The following PRKCSH variants were observed in gnomAD, a reference collection of about 807,000 sequenced individuals.
PRKCSH encodes PRKCSH beta subunit of glucosidase II.
In PRKCSH, 42 loss-of-function variants were observed where a neutral mutation model predicts 79.7. That is an observed-to-expected ratio of 0.53 (90% CI 0.41 to 0.68). The LOEUF (loss-of-function observed/expected upper bound fraction) is 0.68, where lower values mean the gene tolerates loss of function less well. Among genes scored for constraint, PRKCSH ranks in the 30% least tolerant of loss-of-function variants. The pLI is 0.00. For synonymous variants in PRKCSH, 325 were observed against 288.2 expected (o/e 1.13, Z -1.29); for missense variants, 686 against 709.0 (o/e 0.97, Z 0.37).
chr19:11,441,527 GTATAA>G (rs1970061798), intron 6 of PRKCSH, among the ~76,000 whole-genome samples, 170 bp downstream of exon 6: 1 of 152,218 alleles, frequency 6.6e-6, no homozygotes, highest in African/African-American at 2.4e-5. Flanking sequence ...CATTGGCTAA[GTATAA>G]TAGTTCCCGA....
At chr19:11,436,341 TGGA>T (rs766443168) in intron 2 of PRKCSH, 45 bp from the exon 3 acceptor site, 2 of 1,591,222 alleles carry the variant, frequency 1.3e-6, no homozygotes, top group East Asian at 2.2e-5. Context: ...TGGTATTTGG[TGGA>T]GAAGGCGCTT....
In PRKCSH at chr19:11,448,917, C is replaced by G. The variant is rs121918520; in HGVS notation, c.1290C>G (p.Tyr430Ter). ...SQCYELTTNEYVYRLCPFKLV... is the reference protein window; with the variant it reads ...SQCYELTTNE ...CATATGTCCCGGTCCTCCACAGATA[C>G]GTCTACCGCCTCTGCCCCTTCAAGC... Residue 430 changes from tyrosine to a stop codon, truncating the protein, a stop_gained, in exon 15 of 18, where the codon TAC (tyrosine) becomes TAG (stop). Coordinates refer to ENST00000677123, the MANE Select transcript of PRKCSH (RefSeq NM_001289104.2). LOFTEE classifies it high-confidence loss of function. The surrounding 1 kb of genome is among the most constrained non-coding windows in gnomAD (Gnocchi z 4.4). 3.1e-6 allele frequency: 5 copies of G among 1,614,130 alleles called. No homozygotes were observed. Among genetic ancestry groups the G allele is most frequent in the Admixed American group, 3.3e-5 (2 of 60,026 alleles).
Position 11,448,928 on chromosome 19 carries a change from T to G in PRKCSH, c.1301T>G (p.Leu434Arg). 6.2e-7 allele frequency: 1 copy of G among 1,614,130 alleles called. No individual in the cohort carries two copies. The highest frequency in any genetic ancestry group is 8.5e-7 in the Non-Finnish European group (1 of 1,180,018). The change falls in exon 15 of 18, where the codon CTC (leucine) becomes CGC (arginine). Residue 434 changes from leucine (L) to arginine (R), a missense_variant. By Grantham distance (102) the Leu-to-Arg change is moderately radical. Around this residue, in one of 2 missense-constraint regions of PRKCSH, gnomAD observed 137 missense variants for 188.8 expected, o/e 0.73. Coordinates refer to ENST00000677123, the MANE Select transcript of PRKCSH (RefSeq NM_001289104.2). This position sits in a 1 kb window ranked among gnomAD's most constrained non-coding sequence, Gnocchi z 4.4. Reference protein sequence around the residue: ...ELTTNEYVYRLCPFKLVSQKP... With the variant: ...ELTTNEYVYRRCPFKLVSQKP... The stretch of plus-strand genomic sequence containing the variant: ...GTCCTCCACAGATACGTCTACCGCC[T>G]CTGCCCCTTCAAGCTTGTCTCGCAG...
In PRKCSH at chr19:11,449,280, C is replaced by T. The variant is rs770480368; in HGVS notation, c.1476C>T (p.Cys492=). The T allele has an allele frequency of 2.9e-5, 47 of 1,613,586 alleles. No homozygotes were observed. Among genetic ancestry groups the T allele is most frequent in the African/African-American group, 1.1e-4 (8 of 74,918 alleles). The change falls in exon 17 of 18, where the codon TGC becomes TGT. Residue 492 remains cysteine, a synonymous_variant. Coordinates refer to ENST00000677123, the MANE Select transcript of PRKCSH (RefSeq NM_001289104.2). The surrounding 1 kb of genome is among the most constrained non-coding windows in gnomAD (Gnocchi z 6.4). The part of the protein sequence containing the change: ...PNRSTTVRLL[C]GKETMVTSTT... ...CCCATCCCCAGGTGCGCCTCCTGTG[C>T]GGGAAAGAGACCATGGTGACCAGCA... is the stretch of plus-strand genomic sequence containing the variant.
chr19:11,435,781 T>G, intron 1 of PRKCSH, 75 bp downstream of exon 1: 1 of 1,401,762 alleles, frequency 7.1e-7, no homozygotes, highest in Non-Finnish European at 9.4e-7. Context: ...TGTGTGGGTG[T>G]GGACGGCGGA....
At position 11,447,695 on chromosome 19, in the gene PRKCSH, G is replaced by A. The variant is rs768066432; in HGVS notation, c.1032G>A (p.Glu344=). Residue 344 remains glutamate (E), a splice_region_variant and synonymous_variant, in exon 12 of 18, where the codon GAG becomes GAA. Coordinates refer to ENST00000677123, the MANE Select transcript of PRKCSH (RefSeq NM_001289104.2). This position sits in a 1 kb window ranked among gnomAD's most constrained non-coding sequence, Gnocchi z 5.6. ...DSEVQGEQPK[E]APPPLSPPQP... is the part of the protein sequence containing the mutation. ...CACTGACCCTGCCCCTGCCCCAGGAGGCCCCACCGCCACTGTCACCCCCGC... is the reference window on the plus strand; with the variant it reads ...CACTGACCCTGCCCCTGCCCCAGGAAGCCCCACCGCCACTGTCACCCCCGC... The A allele has an allele frequency of 3.8e-6, 6 of 1,570,700 alleles. No homozygotes were observed. The African/African-American group carries it at 8.1e-5, about 21-fold the overall frequency.
Position 11,438,144 on chromosome 19 carries a change from C to T in PRKCSH, c.350+20C>T, listed in dbSNP as rs1275204933. The T allele has an allele frequency of 1.9e-6, 3 of 1,612,988 alleles. No individual in the cohort carries two copies. The highest frequency in any genetic ancestry group is 2.5e-6 in the Non-Finnish European group (3 of 1,179,428). On this transcript the variant is annotated intron_variant, in intron 5 of 17. Coordinates refer to ENST00000677123, the MANE Select transcript of PRKCSH (RefSeq NM_001289104.2). ...CTGCAAGTACGTGGGTGACAGTACC[C>T]CTCCCATCACCCCACCCCAAGACTT...
chr19:11,447,524 CAGAGGA>C lies in PRKCSH; in HGVS notation c.936_941del (p.Glu324_Glu325del), dbSNP rs757805265. 26 of 1,593,300 alleles carry C rather than the reference CAGAGGA, an allele frequency of 1.6e-5. No homozygotes were observed. In the East Asian group the frequency reaches 3.1e-4, roughly 19 times the overall value. ...CAGCCGCCAGTGCCCTCGTCGCCCA[CAGAGGA>C]GGAGGAGGAGGAGGAGGAGGAGGAG... On this transcript the variant is annotated inframe_deletion, in exon 11 of 18. Transcript: ENST00000677123. This position sits in a 1 kb window ranked among gnomAD's most constrained non-coding sequence, Gnocchi z 5.6.
Position 11,435,642 on chromosome 19 carries a change from C to A in PRKCSH, c.-142C>A, listed in dbSNP as rs1353586737. ...TCCAGAAATTTCCGCTTTCTTTCTG[C>A]AGCAGGAACCGCGGCTGCTGGACAA... On this transcript the variant is annotated 5_prime_UTR_variant, in exon 1 of 18. Coordinates refer to ENST00000677123, the MANE Select transcript of PRKCSH (RefSeq NM_001289104.2). 1 of 1,263,520 alleles carries A rather than the reference C, an allele frequency of 7.9e-7. No homozygotes were observed. Among genetic ancestry groups the A allele is most frequent in the African/African-American group, 1.5e-5 (1 of 65,544 alleles). 78.3% of individuals were successfully genotyped at this position (1,263,520 alleles called of 1,614,324 possible). A position where few individuals can be genotyped will look rare whatever the true frequency, so the allele number is the denominator to read the frequency against.
In PRKCSH at chr19:11,447,670, C is replaced by A; in HGVS notation, c.1030-23C>A. On this transcript the variant is annotated intron_variant, in intron 11 of 17. Transcript: ENST00000677123. This position sits in a 1 kb window ranked among gnomAD's most constrained non-coding sequence, Gnocchi z 5.6. ...CAGAGAGGGTGGGGGAAGGGCTACT[C>A]ACTGACCCTGCCCCTGCCCCAGGAG... 1 of 1,564,634 alleles carries A rather than the reference C, an allele frequency of 6.4e-7. No homozygotes were observed. The highest frequency in any genetic ancestry group is 1.9e-5 in the Admixed American group (1 of 53,762).
In PRKCSH at chr19:11,446,362, T is replaced by C. The variant is rs1970299219; in HGVS notation, c.762+12T>C. 1 of 1,610,760 alleles carries C rather than the reference T, an allele frequency of 6.2e-7. No individual in the cohort carries two copies. On this transcript the variant is annotated intron_variant, in intron 9 of 17. Coordinates refer to ENST00000677123, the MANE Select transcript of PRKCSH (RefSeq NM_001289104.2). ...AAGCGGAAGCTCAGGTACCCCCGGC[T>C]GCCCCTTGGTTGGGGACTTCTAGGG...
intron 1 of PRKCSH, 50 bp downstream of exon 1, chr19:11,435,756 C>A (rs1172451619): frequency 4.4e-6 from 6 of 1,366,918 alleles, no homozygotes; most frequent in Non-Finnish European, 5.8e-6. Flanking sequence ...TTACAGGGGG[C>A]AACCGGAGGG....
In PRKCSH at chr19:11,439,956, G is replaced by A. The variant is rs903435535; in HGVS notation, c.351-1284G>A. On this transcript the variant is annotated intron_variant, in intron 5 of 17. Transcript: ENST00000677123. ...AAAAATTAGCCGGGTGTGTTGGTGC[G>A]TGTCTGTAGTCGCAGGTACTCAGGA... is the stretch of plus-strand genomic sequence containing the variant. 5.9e-5 allele frequency among the ~76,000 whole-genome samples: 9 copies of A among 151,552 alleles called. No individual in the cohort carries two copies. In the East Asian group the frequency reaches 7.9e-4, roughly 13 times the overall value.
Position 11,447,797 on chromosome 19 carries a change from T to G in PRKCSH, c.1126+8T>G, listed in dbSNP as rs1267957659. 1 of 1,558,476 alleles carries G rather than the reference T, an allele frequency of 6.4e-7. No individual in the cohort carries two copies. The highest frequency in any genetic ancestry group is 8.7e-7 in the Non-Finnish European group (1 of 1,152,854). ...CGCAGGCCTTCATCGATGGTGAGGG[T>G]GGGCGGGGGCCAGGCTCCTCGGGTG... On this transcript the variant is annotated splice_region_variant and intron_variant, in intron 12 of 17. Transcript: ENST00000677123. The surrounding 1 kb of genome is among the most constrained non-coding windows in gnomAD (Gnocchi z 5.6).
chr19:11,445,780 C>G, intron 8 of PRKCSH: 1 of 495,818 alleles, frequency 2.0e-6, no homozygotes, highest in Admixed American at 3.3e-5. Context: ...CTGGGGAAAG[C>G]CAGACCTGGG....
At chr19:11,439,601 TTTTC>T (rs1969954682) in intron 5 of PRKCSH, among the ~76,000 whole-genome samples, 14 of 136,582 alleles carry the variant, frequency 1.0e-4, no homozygotes, top group Admixed American at 2.2e-4. Context: ...AAAATTTTTC[TTTTC>T]TTTTTTTTTT....
intron 6 of PRKCSH, among the ~76,000 whole-genome samples, chr19:11,441,840 G>T (rs900192972): frequency 6.6e-6 from 1 of 152,208 alleles, no homozygotes; most frequent in Non-Finnish European, 1.5e-5. Context: ...AACCGACCTG[G>T]ATTTGCCTCA....
rs765659105 is a variant in PRKCSH, at chr19:11,445,432, G to A, written c.642G>A (p.Ala214=). 136 of 1,613,958 alleles carry A rather than the reference G, an allele frequency of 8.4e-5. No homozygotes were observed. Among genetic ancestry groups the A allele is most frequent in the South Asian group, 1.4e-4 (13 of 91,086 alleles). Residue 214 remains alanine, a synonymous_variant, in exon 8 of 18, where the codon GCG becomes GCA. Coordinates refer to ENST00000677123, the MANE Select transcript of PRKCSH (RefSeq NM_001289104.2). The part of the protein sequence containing the change: ...AAKAQQEQEL[A]ADAFKELDDD... ...AGGCCCAACAGGAGCAGGAGCTGGC[G>A]GCTGATGCCTTCAAGGAGCTGGATG...
intron 3 of PRKCSH, among the ~76,000 whole-genome samples, chr19:11,437,426 A>G (rs1267320594): frequency 6.7e-6 from 1 of 150,272 alleles, no homozygotes; most frequent in Non-Finnish European, 1.5e-5. Context: ...ATCTTGGCTC[A>G]CTGCAGTCTC....
Sources: allele counts gnomAD v4.1 joint callset (sites outside exome capture counted in the v4.1 genomes callset), GRCh38; gene constraint gnomAD v4.1.1; regional missense constraint gnomAD v4.1.1; non-coding constraint Gnocchi (gnomAD v3.1); transcripts MANE v1.5; gene names NCBI Gene and HGNC (gene_info 2026-07-23, HGNC 2026-07-21).